The following INPP5D variants were observed in gnomAD, a reference collection of about 807,000 sequenced individuals.
INPP5D encodes the protein phosphatidylinositol 3,4,5-trisphosphate 5-phosphatase 1.
A neutral mutation model predicts 122.9 loss-of-function variants in INPP5D; 33 were observed. The observed-to-expected ratio is 0.27, with a 90% CI of 0.20 to 0.36. The LOEUF is 0.36. Among genes scored for constraint, INPP5D ranks in the 10% least tolerant of loss-of-function variants. INPP5D has a pLI of 1.00. For missense variants in INPP5D, 1,053 were observed against 1,412.7 expected (o/e 0.75, Z 4.08); for synonymous variants, 584 against 576.2 (o/e 1.01, Z -0.19).
At chr2:233,154,409 A>G (rs1693996688) in intron 9 of INPP5D, among the ~76,000 whole-genome samples, 1 of 152,180 alleles carries the variant, frequency 6.6e-6, no homozygotes, top group South Asian at 2.1e-4. Context: ...TTGGCCTCCC[A>G]AAGTGCTGGT....
intron 20 of INPP5D, among the ~76,000 whole-genome samples, 159 bp from the exon 21 acceptor site, chr2:233,185,684 T>A (rs552984348): frequency 1.1e-3 from 154 of 135,802 alleles, no homozygotes; most frequent in Non-Finnish European, 1.8e-3. Context: ...CCGGCAGGCC[T>A]GACTCCTAAA....
chr2:233,086,729 G>C (rs530917148), intron 2 of INPP5D, among the ~76,000 whole-genome samples: 81 of 152,228 alleles, frequency 5.3e-4, no homozygotes, highest in African/African-American at 1.9e-3. Flanking sequence ...GTTGAGTTAG[G>C]GTTTTCTAAC....
Position 233,060,950 on chromosome 2 carries a change from G to A in INPP5D, c.134+338G>A, listed in dbSNP as rs139477938. ...GGAAGCTCAGGGCTCTGTGGAGGTGGGTGTGTTAGAGATCAGCTCAAAGAT... is the reference window on the plus strand; with the variant it reads ...GGAAGCTCAGGGCTCTGTGGAGGTGAGTGTGTTAGAGATCAGCTCAAAGAT... On this transcript the variant is annotated intron_variant, in intron 1 of 26. Coordinates refer to ENST00000445964, the MANE Select transcript of INPP5D (RefSeq NM_001017915.3). 8.5e-4 allele frequency among the ~76,000 whole-genome samples: 129 copies of A among 152,274 alleles called. 1 individual carries two copies. The East Asian group carries it at 0.022, about 26-fold the overall frequency.
intron 9 of INPP5D, 30 bp downstream of exon 9, chr2:233,147,624 C>T (rs1425673641): frequency 5.7e-6 from 4 of 700,700 alleles, no homozygotes; most frequent in Non-Finnish European, 1.0e-5. Flanking sequence ...TCAACCACTG[C>T]CCCTCACCTG....
At position 233,164,337 on chromosome 2, in the gene INPP5D, A is replaced by C. The variant is rs756303125; in HGVS notation, c.1468A>C (p.Ile490Leu). The C allele has an allele frequency of 2.0e-5, 31 of 1,551,934 alleles. No homozygotes were observed. The African/African-American group carries it at 3.4e-4, about 17-fold the overall frequency. Residue 490 changes from isoleucine to leucine, a missense_variant, in exon 13 of 27, where the codon ATC (isoleucine) becomes CTC (leucine). Coordinates refer to ENST00000445964, the MANE Select transcript of INPP5D (RefSeq NM_001017915.3). The surrounding 1 kb of genome is among the most constrained non-coding windows in gnomAD (Gnocchi z 4.3). Reference sequence around the variant, plus strand: ...CATCCACACGCTCTGGAACATCCGCATCGTGGTGCTGGCCAAGCCTGAGCA... The same window carrying C: ...CATCCACACGCTCTGGAACATCCGCCTCGTGGTGCTGGCCAAGCCTGAGCA... ...VAIHTLWNIR[I>L]VVLAKPEHEN...
In INPP5D at chr2:233,204,193, G is replaced by A. The variant is rs765981948; in HGVS notation, c.3043G>A (p.Glu1015Lys). ...PQEDLPLTKP[E>K]MFENPLYGSL... ...GGAGGACCTGCCGCTGACGAAGCCC[G>A]AGATGTTTGAGAACCCCCTGTATGG... The change falls in exon 26 of 27, where the codon GAG becomes AAG. Residue 1015 changes from glutamate (E) to lysine (K), a missense_variant. Physicochemically the swap from Glu to Lys is moderately conservative, Grantham distance 56 (BLOSUM62 1). Transcript: ENST00000445964. 2.1e-5 allele frequency: 34 copies of A among 1,611,660 alleles called. No individual in the cohort carries two copies. The highest frequency in any genetic ancestry group is 4.5e-5 in the East Asian group (2 of 44,764).
chr2:233,185,866 GA>G lies in INPP5D; in HGVS notation c.2303del (p.Asn768MetfsTer11). On this transcript the variant is annotated frameshift_variant, in exon 21 of 27. Transcript: ENST00000445964. LOFTEE classifies it high-confidence loss of function. ...AGGTTTTGTCAAGAGTCAGGAAGGA[GA>G]AAATGAAGAAGGAAGTGAGGGGGAG... ...LESFVKSQEG[E>X]NEEGSEGELV... 6.2e-7 allele frequency: 1 copy of G among 1,608,946 alleles called. No individual in the cohort carries two copies. Among genetic ancestry groups the G allele is most frequent in the Non-Finnish European group, 8.5e-7 (1 of 1,177,588 alleles).
rs536275002 is a variant in INPP5D, at chr2:233,116,848, GC to G, written c.199-5257del. The stretch of plus-strand genomic sequence containing the variant: ...CTGACCTCGTGATCCACCCACCTCG[GC>G]CTCCCAAATTGCTGGGATTACAGGC... On this transcript the variant is annotated intron_variant, in intron 2 of 26. Transcript: ENST00000445964. 1.2e-3 allele frequency among the ~76,000 whole-genome samples: 177 copies of G among 152,250 alleles called. 1 individual carries two copies. In the East Asian group the frequency reaches 0.012, roughly 10 times the overall value.
chr2:233,194,754 T>C (rs1257371845), intron 23 of INPP5D, among the ~76,000 whole-genome samples: 1 of 152,046 alleles, frequency 6.6e-6, no homozygotes, highest in Admixed American at 6.6e-5. Context: ...TGTCTCCGCC[T>C]CCTGAAGTGC....
intron 2 of INPP5D, among the ~76,000 whole-genome samples, chr2:233,112,140 C>T (rs1051182460): frequency 4.0e-5 from 6 of 151,152 alleles, no homozygotes; most frequent in Admixed American, 2.0e-4. Flanking sequence ...CATGTATTGA[C>T]GATTCTTGCC....
intron 18 of INPP5D, among the ~76,000 whole-genome samples, chr2:233,179,978 T>G (rs757128647): frequency 1.3e-5 from 2 of 152,200 alleles, no homozygotes; most frequent in Non-Finnish European, 2.9e-5. Flanking sequence ...GTTGGTGTCA[T>G]CTGGGCACAC....
chr2:233,173,101 C>T (rs1191032163), intron 17 of INPP5D, among the ~76,000 whole-genome samples: 6 of 151,152 alleles, frequency 4.0e-5, no homozygotes, highest in Middle Eastern at 3.4e-3. Flanking sequence ...CCCAGCTACT[C>T]GGGAGGCTGA....
chr2:233,101,405 C>T (rs916494551), intron 2 of INPP5D, among the ~76,000 whole-genome samples: 7 of 152,078 alleles, frequency 4.6e-5, no homozygotes, highest in Non-Finnish European at 7.4e-5. Flanking sequence ...GGACTGTAGA[C>T]GTCTTTATTA....
chr2:233,069,327 CA>C (rs1691315247), intron 1 of INPP5D, among the ~76,000 whole-genome samples: 1 of 152,168 alleles, frequency 6.6e-6, no homozygotes, highest in African/African-American at 2.4e-5. Context: ...ATCTGATAAA[CA>C]GCAATGTCCT....
rs140602483 is a variant in INPP5D, at chr2:233,132,367, G to A, written c.665+1719G>A. ...CCTCAACACTACCTGGACTTCCCAGGAGCCAAGTCACCTCATCACTATGGC... is the reference window on the plus strand; with the variant it reads ...CCTCAACACTACCTGGACTTCCCAGAAGCCAAGTCACCTCATCACTATGGC... On this transcript the variant is annotated intron_variant, in intron 5 of 26. Coordinates refer to ENST00000445964, the MANE Select transcript of INPP5D (RefSeq NM_001017915.3). 1.1e-3 allele frequency among the ~76,000 whole-genome samples: 167 copies of A among 152,264 alleles called. 1 individual carries two copies. Among genetic ancestry groups the A allele is most frequent in the Middle Eastern group, 3.4e-3 (1 of 294 alleles).
At chr2:233,148,665 C>G (rs1017429493) in intron 9 of INPP5D, among the ~76,000 whole-genome samples, 1 of 152,116 alleles carries the variant, frequency 6.6e-6, no homozygotes, top group Non-Finnish European at 1.5e-5. Flanking sequence ...TCCTGAGCAG[C>G]CTCTCGTTCT....
rs1217963487 is a variant in INPP5D, at chr2:233,100,554, TC to T, written c.198+21158del. Among the ~76,000 whole-genome samples the T allele has an allele frequency of 4.6e-5, 7 of 152,154 alleles. No individual in the cohort carries two copies. ...CCTGCCCTCAGGTGTCCTGGCTCTC[TC>T]CTCTCAGCATCCCCCATGGACTCAT... On this transcript the variant is annotated intron_variant, in intron 2 of 26. Transcript: ENST00000445964. This position sits in a 1 kb window ranked among gnomAD's most constrained non-coding sequence, Gnocchi z 5.3.
chr2:233,137,449 T>TA (rs1693494550), intron 5 of INPP5D, among the ~76,000 whole-genome samples: 1 of 120,000 alleles, frequency 8.3e-6, no homozygotes, highest in African/African-American at 3.2e-5. Context: ...ATCATTCCAT[T>TA]AAACTTTTTT....
chr2:233,110,857 G>T (rs541333964), intron 2 of INPP5D, among the ~76,000 whole-genome samples: 1 of 151,876 alleles, frequency 6.6e-6, no homozygotes, highest in Non-Finnish European at 1.5e-5. Context: ...CTCGGGAGGC[G>T]GAGGTTGCAG....
Sources: gnomAD v4.1 joint callset for allele counts (sites outside exome capture counted in the v4.1 genomes callset) on GRCh38, gnomAD v4.1.1 for gene constraint, Gnocchi (gnomAD v3.1) non-coding constraint, MANE v1.5 for transcripts, NCBI Gene and HGNC (gene_info 2026-07-23, HGNC 2026-07-21) for gene names.